The following PTPRN2 variants were observed in gnomAD, a reference collection of about 807,000 sequenced individuals.
The protein encoded by PTPRN2 is receptor-type tyrosine-protein phosphatase N2.
In PTPRN2, 74 loss-of-function variants were observed where a neutral mutation model predicts 118.8. The observed-to-expected ratio is 0.62, with a 90% CI of 0.52 to 0.76. The LOEUF (loss-of-function observed/expected upper bound fraction) is 0.76, where lower values mean the gene tolerates loss of function less well. Among genes scored for constraint, PTPRN2 ranks in the 30% least tolerant of loss-of-function variants. The probability of loss-of-function intolerance (pLI) is 0.00; values close to 1 mark genes in which losing one functional copy is unlikely to be tolerated. For missense variants in PTPRN2, 1,481 were observed against 1,394.4 expected, an observed-to-expected ratio of 1.06 and a Z score of -0.99; for synonymous variants, 641 against 608.0, an observed-to-expected ratio of 1.05 and a Z score of -0.80.
chr7:158,427,267 A>G (rs1175004338), intron 2 of PTPRN2, among the ~76,000 whole-genome samples: 8 of 806 alleles, frequency 9.9e-3, no homozygotes, highest in Admixed American at 0.058. Flanking sequence ...CCCAGAGTCC[A>G]AGTCCAGCCT....
chr7:157,730,881 C>T (rs959626878), intron 12 of PTPRN2, among the ~76,000 whole-genome samples: 8 of 152,178 alleles, frequency 5.3e-5, no homozygotes, highest in African/African-American at 1.7e-4. Context: ...GCAGCTCTTC[C>T]GCTTGTTCTC....
intron 2 of PTPRN2, among the ~76,000 whole-genome samples, chr7:158,337,057 A>T (rs1586350169): frequency 6.1e-5 from 8 of 131,508 alleles, no homozygotes; most frequent in Admixed American, 5.4e-4. Flanking sequence ...CCACACTGTC[A>T]CCATAAGAGC....
chr7:157,663,953 CA>C (rs1466837017), intron 13 of PTPRN2, among the ~76,000 whole-genome samples: 1 of 152,240 alleles, frequency 6.6e-6, no homozygotes, highest in Non-Finnish European at 1.5e-5. Context: ...GCCAACGAGA[CA>C]AACCTCACAG....
chr7:158,423,440 C>T (rs528369234), intron 2 of PTPRN2, among the ~76,000 whole-genome samples: 1 of 152,348 alleles, frequency 6.6e-6, no homozygotes, highest in East Asian at 1.9e-4. Flanking sequence ...GCTTCCTCTC[C>T]AGTGCCCTGC....
intron 3 of PTPRN2, among the ~76,000 whole-genome samples, chr7:158,287,263 CAACA>C (rs1318725910): frequency 2.1e-4 from 32 of 151,998 alleles, no homozygotes; most frequent in Admixed American, 2.0e-3. Context: ...TTTATCATTT[CAACA>C]AACAAACTCT....
rs116106817 is a variant in PTPRN2, at chr7:157,832,636, C to T, written c.1788+66037G>A. On this transcript the variant is annotated intron_variant, in intron 12 of 22. Coordinates refer to ENST00000389418, the MANE Select transcript of PTPRN2 (RefSeq NM_002847.5). ...GAAATGGAAACACGAAGGAGCTGCA[C>T]GTGTGGGGGAGGTGAGGGTGAGAAG... Among the ~76,000 whole-genome samples, 1,011 of 152,256 alleles carry T rather than the reference C, an allele frequency of 6.6e-3. 10 individuals are homozygous for T. Among genetic ancestry groups the T allele is most frequent in the Middle Eastern group, 0.054 (16 of 294 alleles).
In PTPRN2 at chr7:157,832,297, C is replaced by T. The variant is rs150489422; in HGVS notation, c.1788+66376G>A. Among the ~76,000 whole-genome samples the T allele has an allele frequency of 5.0e-3, 754 of 152,272 alleles. 7 individuals carry two copies. The highest frequency in any genetic ancestry group is 0.017 in the African/African-American group (715 of 41,564). The stretch of plus-strand genomic sequence containing the variant: ...GAGGCGGCTGCATTCTGCAAATTAC[C>T]GTGTGCTGTGGCTGCGCTCACACAT... On this transcript the variant is annotated intron_variant, in intron 12 of 22. Transcript: ENST00000389418.
At chr7:157,571,755 C>T (rs1284260078) in intron 19 of PTPRN2, among the ~76,000 whole-genome samples, 3 of 152,210 alleles carry the variant, frequency 2.0e-5, no homozygotes, top group African/African-American at 7.2e-5. Context: ...AGGCTTTGAA[C>T]CAGTGGACTC....
intron 5 of PTPRN2, among the ~76,000 whole-genome samples, chr7:158,169,871 T>C (rs539424499): frequency 6.6e-6 from 1 of 151,166 alleles, no homozygotes; most frequent in East Asian, 2.0e-4. Context: ...TTTGTGTTTT[T>C]AGTAGAGATG....
chr7:157,849,289 T>C (rs140947618), intron 12 of PTPRN2, among the ~76,000 whole-genome samples: 1 of 152,226 alleles, frequency 6.6e-6, no homozygotes, highest in Non-Finnish European at 1.5e-5. Flanking sequence ...GGAGGCAGCA[T>C]GAGGCCACCG....
intron 10 of PTPRN2, among the ~76,000 whole-genome samples, chr7:158,098,895 G>C (rs1270224833): frequency 2.0e-5 from 3 of 151,876 alleles, no homozygotes; most frequent in African/African-American, 4.8e-5. Flanking sequence ...ACAGTGCGGG[G>C]TGCAGCGTTC....
intron 2 of PTPRN2, among the ~76,000 whole-genome samples, chr7:158,400,900 C>T (rs532003423): frequency 1.3e-5 from 2 of 152,188 alleles, no homozygotes; most frequent in South Asian, 4.2e-4. Context: ...TCCCACCCCC[C>T]GCATTCCCCC....
chr7:158,130,533 TACAG>T (rs952896652), intron 9 of PTPRN2, among the ~76,000 whole-genome samples: 29 of 148,568 alleles, frequency 2.0e-4, no homozygotes, highest in African/African-American at 6.7e-4. Context: ...CACACGTACA[TACAG>T]ATACACACAT....
chr7:157,770,998 T>G (rs1193782868), intron 12 of PTPRN2, among the ~76,000 whole-genome samples: 1 of 152,234 alleles, frequency 6.6e-6, no homozygotes, highest in Non-Finnish European at 1.5e-5. Flanking sequence ...GCCCTGCCAG[T>G]TTCTGGCTTC....
intron 10 of PTPRN2, among the ~76,000 whole-genome samples, chr7:158,083,940 G>GGCTCTTCCCTAAAACCCATAGTGGCT (rs71189765): frequency 0.81 from 122,439 of 151,722 alleles, 50,744 homozygotes; most frequent in East Asian, 0.99. Context: ...AATATGTGCA[G>GGCTCTTCCCTAAAACCCATAGTGGCT]GCTCTGACGT....
intron 11 of PTPRN2, among the ~76,000 whole-genome samples, chr7:158,012,195 G>A (rs747415766): frequency 3.3e-5 from 5 of 152,196 alleles, no homozygotes; most frequent in African/African-American, 7.2e-5. Context: ...TGTCTGACAC[G>A]TGCCTTTCGG....
intron 2 of PTPRN2, among the ~76,000 whole-genome samples, chr7:158,329,209 G>A (rs547122230): frequency 5.3e-5 from 8 of 152,346 alleles, no homozygotes; most frequent in African/African-American, 1.4e-4. Flanking sequence ...AGGGGGAAGC[G>A]TGGCGGGTGG....
intron 12 of PTPRN2, among the ~76,000 whole-genome samples, chr7:157,848,537 C>T (rs2151200116): frequency 6.6e-6 from 1 of 152,386 alleles, no homozygotes; most frequent in East Asian, 1.9e-4. Flanking sequence ...GGAGCCCTCT[C>T]TCATTCCGTT....
chr7:158,003,135 C>G lies in PTPRN2; in HGVS notation c.1723+78163G>C, dbSNP rs118026756. 5.3e-4 allele frequency among the ~76,000 whole-genome samples: 81 copies of G among 152,252 alleles called. No homozygotes were observed. The East Asian group carries it at 0.013, about 25-fold the overall frequency. ...GGCCTCTAAAGAGGTAAAGGTAAGG[C>G]CGGGCGCGGTGGCTCACGCCTGTAA... On this transcript the variant is annotated intron_variant, in intron 11 of 22. Coordinates refer to ENST00000389418, the MANE Select transcript of PTPRN2 (RefSeq NM_002847.5). The surrounding 1 kb of genome is among the most constrained non-coding windows in gnomAD (Gnocchi z 5.0).
Sources: allele counts gnomAD v4.1 joint callset (sites outside exome capture counted in the v4.1 genomes callset), GRCh38; gene constraint gnomAD v4.1.1; non-coding constraint Gnocchi (gnomAD v3.1); transcripts MANE v1.5; gene names NCBI Gene and HGNC (gene_info 2026-07-23, HGNC 2026-07-21).